The following DGKZ variants were observed in gnomAD, a reference collection of about 807,000 sequenced individuals.
The protein encoded by DGKZ is diacylglycerol kinase zeta, also known as DAG kinase zeta.
A neutral mutation model predicts 142.5 loss-of-function variants in DGKZ; 45 were observed. The observed-to-expected ratio is 0.32, with a 90% CI of 0.25 to 0.40. The LOEUF (loss-of-function observed/expected upper bound fraction) is 0.40, where lower values mean the gene tolerates loss of function less well. DGKZ is among the 10% of genes least tolerant of loss of function. The pLI is 1.00. For missense variants in DGKZ, 755 were observed against 1,306.5 expected (o/e 0.58, Z 6.51); for synonymous variants, 442 against 527.0 (o/e 0.84, Z 2.21).
At chr11:46,343,133 C>CA (rs1025501428), upstream of DGKZ, among the ~76,000 whole-genome samples, 19 of 147,074 alleles carry the variant, frequency 1.3e-4, no homozygotes, top group East Asian at 3.9e-4. Flanking sequence ...CAAAAAAAAA[C>CA]AAAAAAAAAG....
chr11:46,333,155 T>A lies in DGKZ; in HGVS notation c.-121T>A, dbSNP rs574702498. 56 of 894,274 alleles carry A rather than the reference T, an allele frequency of 6.3e-5. No individual in the cohort carries two copies. The African/African-American group carries it at 8.0e-4, about 13-fold the overall frequency. The allele number at this position is 894,274 out of a possible 1,614,324, so 55.4% of individuals were successfully genotyped here. ...CTAAGCGTCGGCGTCGCTAGGGACC[T>A]GCGGAACCCGGCGCTCCCCTCCCTC... On this transcript the variant is annotated 5_prime_UTR_variant, in exon 1 of 31. Transcript: ENST00000343674.
At chr11:46,377,398 C>A in intron 25 of DGKZ, 186 bp downstream of exon 25, 1 of 1,151,572 alleles carries the variant, frequency 8.7e-7, no homozygotes, top group Non-Finnish European at 1.2e-6. Context: ...CACGTCCACC[C>A]TGGTTCCCTC....
At chr11:46,374,296 A>AGACCCTG in intron 15 of DGKZ, 61 bp downstream of exon 15, 1 of 1,612,158 alleles carries the variant, frequency 6.2e-7, no homozygotes. Flanking sequence ...CGGGAGGGTC[A>AGACCCTG]GACCCTGCTC....
chr11:46,353,309 C>T (rs1474039257), intron 1 of DGKZ, among the ~76,000 whole-genome samples: 1 of 152,170 alleles, frequency 6.6e-6, no homozygotes, highest in Admixed American at 6.5e-5. Flanking sequence ...GTACTCTTTT[C>T]TTCTATTATT....
chr11:46,341,447 G>A (rs984435260), intron 1 of DGKZ, among the ~76,000 whole-genome samples: 4 of 152,232 alleles, frequency 2.6e-5, no homozygotes, highest in Non-Finnish European at 5.9e-5. Flanking sequence ...CAGGAGAAGT[G>A]TTTGACACTT....
chr11:46,379,347 C>G lies in DGKZ; in HGVS notation c.2574-107C>G. On this transcript the variant is annotated intron_variant, in intron 29 of 30. Transcript: ENST00000527911. ...TAAACTTCCTGGTCACATCTGTCAT[C>G]CCCTGGGCCACCCCTATTGCCCCAG... 6 of 1,573,300 alleles carry G rather than the reference C, an allele frequency of 3.8e-6. No homozygotes were observed. In the South Asian group the frequency reaches 5.8e-5, roughly 15 times the overall value.
chr11:46,379,338 ATC>A, intron 29 of DGKZ, 102 bp downstream of exon 29: 1 of 1,582,528 alleles, frequency 6.3e-7, no homozygotes, highest in Non-Finnish European at 8.6e-7. Flanking sequence ...TCCTGGTCAC[ATC>A]TGTCATCCCC....
At chr11:46,333,338 C>T (rs920457765) in exon 1 of DGKZ, 2 of 1,346,624 alleles carry the variant, frequency 1.5e-6, no homozygotes, top group Non-Finnish European at 1.9e-6. Context: ...GCCGGGCAGC[C>T]GAGGAGGAGG....
At chr11:46,378,671 C>T (rs758030149) in intron 27 of DGKZ, 171 bp downstream of exon 27, 15 of 979,432 alleles carry the variant, frequency 1.5e-5, no homozygotes, top group African/African-American at 3.2e-5. Context: ...GTATCTCTGT[C>T]TAGGCCACAA....
intron 1 of DGKZ, among the ~76,000 whole-genome samples, chr11:46,348,873 C>G (rs1941011520): frequency 6.6e-6 from 1 of 152,206 alleles, no homozygotes; most frequent in Non-Finnish European, 1.5e-5. Flanking sequence ...GACCCCAGAG[C>G]CACCTCAGAC....
intron 1 of DGKZ, among the ~76,000 whole-genome samples, chr11:46,361,228 G>A (rs1251043946): frequency 6.6e-6 from 1 of 152,252 alleles, no homozygotes; most frequent in Non-Finnish European, 1.5e-5. Flanking sequence ...GGCGTGAGAA[G>A]GCATTAGGTG....
intron 1 of DGKZ, among the ~76,000 whole-genome samples, chr11:46,336,491 G>A (rs1940021092): frequency 6.6e-6 from 1 of 152,218 alleles, no homozygotes; most frequent in Non-Finnish European, 1.5e-5. Context: ...ATTTCTGGAG[G>A]CCAAGGCAGG....
rs770282026 is a variant in DGKZ, at chr11:46,374,201, C to T, written c.1371C>T (p.Asp457=). The T allele has an allele frequency of 4.6e-5, 75 of 1,614,184 alleles. No homozygotes were observed. The highest frequency in any genetic ancestry group is 2.2e-4 in the South Asian group (20 of 91,088). The change falls in exon 15 of 31, where the codon GAC becomes GAT. Residue 457 remains aspartate (D), a synonymous_variant. Transcript: ENST00000527911. ...ACAACTACTTCAGCCTGGGCTTTGA[C>T]GCCCACGTCACCCTGGAGTTCCACG...
exon 6 of DGKZ, chr11:46,369,944 A>G (rs146364852): frequency 1.2e-6 from 2 of 1,613,460 alleles, no homozygotes; most frequent in Non-Finnish European, 1.7e-6. Context: ...CCCCCAGCCA[A>G]CCTTTGTACG....
At chr11:46,379,562 C>T (rs762614458) in exon 30 of DGKZ, 34 of 1,608,056 alleles carry the variant, frequency 2.1e-5, no homozygotes, top group Non-Finnish European at 2.6e-5. Context: ...TGAAGACAGA[C>T]CAGCAGGTGA....
At chr11:46,352,039 G>T (rs1422010071) in intron 1 of DGKZ, among the ~76,000 whole-genome samples, 1 of 152,244 alleles carries the variant, frequency 6.6e-6, no homozygotes, top group Non-Finnish European at 1.5e-5. Flanking sequence ...AGAAAGCTGA[G>T]GCTCCAGGCA....
At chr11:46,350,522 A>C in intron 1 of DGKZ, among the ~76,000 whole-genome samples, 1 of 143,660 alleles carries the variant, frequency 7.0e-6, no homozygotes, top group Non-Finnish European at 1.5e-5. Flanking sequence ...ACCCACATAC[A>C]CACATCCAGC....
chr11:46,373,169 C>T, intron 14 of DGKZ, 68 bp downstream of exon 14: 1 of 1,480,302 alleles, frequency 6.8e-7, no homozygotes, highest in Non-Finnish European at 9.0e-7. Flanking sequence ...TTTCCACTTG[C>T]TGGTTCTGGG....
intron 6 of DGKZ, 26 bp from the exon 7 acceptor site, chr11:46,371,285 GGT>G: frequency 6.2e-7 from 1 of 1,610,286 alleles, no homozygotes; most frequent in Non-Finnish European, 8.5e-7. Context: ...CGCCTGCCCT[GGT>G]TCCCATCCAT....
Sources: gnomAD v4.1 joint callset for allele counts (sites outside exome capture counted in the v4.1 genomes callset) on GRCh38, gnomAD v4.1.1 for gene constraint, MANE v1.5 for transcripts, NCBI Gene and HGNC (gene_info 2026-07-23, HGNC 2026-07-21) for gene names.